LPCAT2: variants seen among roughly 807,000 people sequenced by gnomAD.
LPCAT2 encodes the protein lysophosphatidylcholine acyltransferase 2, also known as 1-AGP acyltransferase 11.
Under a neutral mutation model 64.7 loss-of-function variants are expected in LPCAT2, and 58 were observed. The observed-to-expected ratio is 0.90, with a 90% confidence interval of 0.73 to 1.12. LPCAT2 has a LOEUF of 1.12. Among genes scored for constraint, LPCAT2 ranks in the 50% most tolerant of loss-of-function variants. LPCAT2 has a pLI of 0.00. For synonymous variants in LPCAT2, 252 were observed against 245.3 expected (o/e 1.03, Z -0.26); for missense variants, 579 against 669.8 (o/e 0.86, Z 1.50).
intron 9 of LPCAT2, among the ~76,000 whole-genome samples, chr16:55,546,687 G>T (rs555945629): frequency 6.6e-6 from 1 of 152,238 alleles, no homozygotes; most frequent in South Asian, 2.1e-4. Context: ...TTTCAAAATA[G>T]AATAAATGTT....
At chr16:55,530,491 G>A (rs1203621075) in intron 4 of LPCAT2, among the ~76,000 whole-genome samples, 1 of 113,782 alleles carries the variant, frequency 8.8e-6, no homozygotes, top group Non-Finnish European at 2.0e-5. Context: ...GAATGCGGGG[G>A]TGGGGGGGGG....
intron 11 of LPCAT2, among the ~76,000 whole-genome samples, chr16:55,557,954 C>T (rs1963596044): frequency 6.6e-6 from 1 of 152,200 alleles, no homozygotes. Context: ...TGATCCAAAG[C>T]ATGGCATAGT....
intron 13 of LPCAT2, among the ~76,000 whole-genome samples, chr16:55,581,397 G>T (rs1407847643): frequency 1.3e-5 from 2 of 152,140 alleles, no homozygotes. Context: ...ATAAAAAGTG[G>T]TTTATTAATG....
chr16:55,574,828 TA>T, intron 12 of LPCAT2, 99 bp downstream of exon 12: 1 of 867,008 alleles, frequency 1.2e-6, no homozygotes, highest in Non-Finnish European at 1.9e-6. Context: ...TATGTGATTT[TA>T]TAGATCTGCT....
intron 8 of LPCAT2, chr16:55,538,756 A>G (rs888096296): frequency 6.6e-6 from 1 of 151,532 alleles, no homozygotes; most frequent in Non-Finnish European, 1.5e-5. Flanking sequence ...GGGAACAAAA[A>G]CTAATTTAAT....
rs1485669433 is a variant in LPCAT2, at chr16:55,566,805, G to A, written c.1216-7826G>A. 3.7e-6 allele frequency: 6 copies of A among 1,613,722 alleles called. No homozygotes were observed. In the Admixed American group the frequency reaches 1.0e-4, roughly 27 times the overall value. On this transcript the variant is annotated intron_variant, in intron 11 of 13. Coordinates refer to ENST00000262134, the MANE Select transcript of LPCAT2 (RefSeq NM_017839.5). ...GGAAGGAGCAGATCGAGGTCTTGGA[G>A]AAGCTCTTGGAGGCCTCTTTGGAGG...
intron 1 of LPCAT2, among the ~76,000 whole-genome samples, chr16:55,516,913 G>A (rs1315079267): frequency 6.6e-6 from 1 of 152,080 alleles, no homozygotes; most frequent in Non-Finnish European, 1.5e-5. Flanking sequence ...AATATAAAGT[G>A]GTTAAAATAA....
intron 11 of LPCAT2, among the ~76,000 whole-genome samples, chr16:55,551,559 A>C (rs1327975158): frequency 6.6e-6 from 1 of 152,160 alleles, no homozygotes; most frequent in Non-Finnish European, 1.5e-5. Flanking sequence ...AGACTTCCAC[A>C]AACCTGTATG....
At chr16:55,537,750 T>A (rs1596863627) in intron 8 of LPCAT2, 118 bp downstream of exon 8, 1 of 766,026 alleles carries the variant, frequency 1.3e-6, no homozygotes, top group East Asian at 2.6e-5. Flanking sequence ...ACAAATTGTG[T>A]ATATAAACCT....
At position 55,549,174 on chromosome 16, in the gene LPCAT2, C is replaced by T. The variant is rs777664040; in HGVS notation, c.936-103C>T. 201 of 902,082 alleles carry T rather than the reference C, an allele frequency of 2.2e-4. 1 individual carries two copies. Among genetic ancestry groups the T allele is most frequent in the Non-Finnish European group, 3.1e-4 (190 of 606,544 alleles). 55.9% of individuals were successfully genotyped at this position (902,082 alleles called of 1,614,324 possible). A position where few individuals can be genotyped will look rare whatever the true frequency, so the allele number is the denominator to read the frequency against. On this transcript the variant is annotated intron_variant, in intron 9 of 13. Coordinates refer to ENST00000262134, the MANE Select transcript of LPCAT2 (RefSeq NM_017839.5). ...TTACTGGTTTAAAAAGTAGTAAATA[C>T]TTTTTCATTTGCTGTCGTTTGGAAC...
intron 11 of LPCAT2, among the ~76,000 whole-genome samples, chr16:55,564,529 A>G (rs1438999242): frequency 6.6e-6 from 1 of 152,006 alleles, no homozygotes. Flanking sequence ...TAGAGATCCC[A>G]GAAGAAACCC....
intron 8 of LPCAT2, chr16:55,538,933 C>T (rs1963360403): frequency 6.6e-6 from 1 of 152,084 alleles, no homozygotes; most frequent in South Asian, 2.1e-4. Context: ...TTTCTAAATA[C>T]TCTGAGCACT....
chr16:55,563,385 A>C (rs1963658068), intron 11 of LPCAT2, among the ~76,000 whole-genome samples: 1 of 151,890 alleles, frequency 6.6e-6, no homozygotes, highest in African/African-American at 2.4e-5. Context: ...ATGAGGCCAA[A>C]GTCAGATAAA....
At chr16:55,580,067 TC>T (rs1360049618) in intron 13 of LPCAT2, among the ~76,000 whole-genome samples, 3 of 152,314 alleles carry the variant, frequency 2.0e-5, no homozygotes, top group Non-Finnish European at 2.9e-5. Context: ...TGGCTTATCT[TC>T]CCCAGTCTTT....
chr16:55,574,147 A>C lies in LPCAT2; in HGVS notation c.1216-484A>C, dbSNP rs78475616. On this transcript the variant is annotated intron_variant, in intron 11 of 13. Coordinates refer to ENST00000262134, the MANE Select transcript of LPCAT2 (RefSeq NM_017839.5). Reference sequence around the variant, plus strand: ...TTACTATAGATTAAGCCTGGAAGAAAGAAAAAATGTAGCTGTGATTATTGC... The same window carrying C: ...TTACTATAGATTAAGCCTGGAAGAACGAAAAAATGTAGCTGTGATTATTGC... 9.7e-3 allele frequency among the ~76,000 whole-genome samples: 1,473 copies of C among 152,318 alleles called. 29 individuals are homozygous for C. The highest frequency in any genetic ancestry group is 0.033 in the African/African-American group (1,390 of 41,544).
At chr16:55,551,862 T>C (rs1963521735) in intron 11 of LPCAT2, among the ~76,000 whole-genome samples, 1 of 152,116 alleles carries the variant, frequency 6.6e-6, no homozygotes, top group Admixed American at 6.6e-5. Context: ...GGTGGGAAGA[T>C]CACTTGAGCC....
intron 11 of LPCAT2, among the ~76,000 whole-genome samples, chr16:55,555,733 C>A (rs1415014217): frequency 6.6e-6 from 1 of 152,146 alleles, no homozygotes; most frequent in African/African-American, 2.4e-5. Flanking sequence ...CTGTCATCAT[C>A]TATGAAATAC....
At chr16:55,514,313 A>G (rs1468118291) in intron 1 of LPCAT2, among the ~76,000 whole-genome samples, 1 of 152,172 alleles carries the variant, frequency 6.6e-6, no homozygotes, top group Admixed American at 6.5e-5. Context: ...ACCTTGAGGG[A>G]CTGTACAAGC....
intron 11 of LPCAT2, chr16:55,567,099 A>C (rs777114208): frequency 6.2e-7 from 1 of 1,613,852 alleles, no homozygotes; most frequent in South Asian, 1.1e-5. Flanking sequence ...CAAAGATCTT[A>C]AGACTGACGG....
Sources: allele counts gnomAD v4.1 joint callset (sites outside exome capture counted in the v4.1 genomes callset), GRCh38; gene constraint gnomAD v4.1.1; transcripts MANE v1.5; gene names NCBI Gene and HGNC (gene_info 2026-07-23, HGNC 2026-07-21).